Variants in IL1RAPL1 observed in about 807,000 individuals in gnomAD.
The protein encoded by IL1RAPL1 is interleukin-1 receptor accessory protein-like 1.
In IL1RAPL1, 3 loss-of-function variants were observed where a neutral mutation model predicts 48.4. The ratio of observed to expected loss-of-function variants is 0.06; its 90% CI spans 0.03 to 0.16. The LOEUF (loss-of-function observed/expected upper bound fraction) is 0.16. Ranked by LOEUF, IL1RAPL1 falls within the 10% of genes least tolerant of loss-of-function variation. IL1RAPL1 has a pLI of 1.00. For missense variants in IL1RAPL1, 349 were observed against 530.6 expected (o/e 0.66, Z 3.36); for synonymous variants, 185 against 187.7 (o/e 0.99, Z 0.12).
intron 1 of IL1RAPL1, among the ~76,000 whole-genome samples, chrX:28,728,117 G>A (rs765064144): frequency 9.0e-6 from 1 of 111,359 alleles, no homozygotes; most frequent in African/African-American, 3.3e-5. Context: ...TCATTAGAGT[G>A]TATATGAGAT....
intron 6 of IL1RAPL1, among the ~76,000 whole-genome samples, chrX:29,695,626 G>GAGAA (rs1926890791): frequency 3.7e-5 from 4 of 108,433 alleles, no homozygotes; most frequent in Admixed American, 3.0e-4. Flanking sequence ...GAGAGAGAGA[G>GAGAA]AAACAGAGAG....
intron 2 of IL1RAPL1, among the ~76,000 whole-genome samples, chrX:28,878,765 T>C (rs7879258): frequency 0.012 from 1,299 of 111,346 alleles, 17 homozygotes; most frequent in African/African-American, 0.04. Context: ...TCTGGGAAAG[T>C]TCATGGTTCA....
chrX:28,826,068 T>G (rs777685299), intron 2 of IL1RAPL1, among the ~76,000 whole-genome samples: 13 of 111,988 alleles, frequency 1.2e-4, no homozygotes, highest in Middle Eastern at 4.6e-3. Context: ...AATCTTTACC[T>G]AAATTTGTTG....
chrX:29,722,382 A>G (rs964930251), intron 6 of IL1RAPL1, among the ~76,000 whole-genome samples: 8 of 112,287 alleles, frequency 7.1e-5, no homozygotes, highest in African/African-American at 2.6e-4. Flanking sequence ...TATTTATCCA[A>G]GAGGAGACAA....
At chrX:28,826,332 A>G (rs1425120677) in intron 2 of IL1RAPL1, among the ~76,000 whole-genome samples, 2 of 111,621 alleles carry the variant, frequency 1.8e-5, no homozygotes, top group African/African-American at 6.5e-5. Context: ...CATGTAGCTT[A>G]ACTAGCATTT....
At chrX:29,234,941 C>A (rs1931263481) in intron 2 of IL1RAPL1, among the ~76,000 whole-genome samples, 1 of 112,189 alleles carries the variant, frequency 8.9e-6, no homozygotes, top group African/African-American at 3.2e-5. Context: ...TTACTATATA[C>A]CTTTCCTTCC....
chrX:28,621,906 C>T (rs2146888874), intron 1 of IL1RAPL1, among the ~76,000 whole-genome samples: 1 of 111,399 alleles, frequency 9.0e-6, no homozygotes, highest in South Asian at 3.8e-4. Context: ...AATTTACGAT[C>T]TTAGATGAGC....
chrX:28,980,141 G>A (rs922376092), intron 2 of IL1RAPL1, among the ~76,000 whole-genome samples: 5 of 112,377 alleles, frequency 4.4e-5, no homozygotes, highest in African/African-American at 1.6e-4. Context: ...GGAGAGCCAT[G>A]ACTCATTCAC....
At chrX:28,915,191 G>T (rs192842184) in intron 2 of IL1RAPL1, among the ~76,000 whole-genome samples, 1 of 111,421 alleles carries the variant, frequency 9.0e-6, no homozygotes, top group East Asian at 2.8e-4. Context: ...ATCTGACGAG[G>T]CAGAGCTCAG....
At chrX:29,319,548 ATGTATGTATG>A (rs1348363686) in intron 3 of IL1RAPL1, among the ~76,000 whole-genome samples, 54 of 85,420 alleles carry the variant, frequency 6.3e-4, no homozygotes, top group African/African-American at 2.1e-3. Flanking sequence ...GTATGTATGT[ATGTATGTATG>A]TATCTATCTA....
intron 8 of IL1RAPL1, among the ~76,000 whole-genome samples, chrX:29,922,161 C>T (rs1932853360): frequency 9.0e-6 from 1 of 111,078 alleles, no homozygotes; most frequent in African/African-American, 3.3e-5. Context: ...TCTGTTTTTA[C>T]AGAGAGGCAC....
chrX:29,252,406 T>A (rs189969016), intron 2 of IL1RAPL1, among the ~76,000 whole-genome samples: 79 of 113,775 alleles, frequency 6.9e-4, no homozygotes, highest in African/African-American at 2.3e-3. Flanking sequence ...GGCCAGGGCA[T>A]ACAGGGAAAT....
intron 2 of IL1RAPL1, among the ~76,000 whole-genome samples, chrX:29,067,172 T>A (rs1209521132): frequency 8.9e-6 from 1 of 111,768 alleles, no homozygotes; most frequent in African/African-American, 3.3e-5. Flanking sequence ...CTCATCATAC[T>A]GCTGTTCTGG....
At chrX:29,893,786 A>G (rs911673876) in intron 6 of IL1RAPL1, among the ~76,000 whole-genome samples, 3 of 111,352 alleles carry the variant, frequency 2.7e-5, no homozygotes, top group African/African-American at 9.8e-5. Context: ...TTCAGATCCT[A>G]TTTTCCATGA....
At chrX:29,421,833 C>A (rs962045912) in intron 5 of IL1RAPL1, among the ~76,000 whole-genome samples, 2 of 111,933 alleles carry the variant, frequency 1.8e-5, no homozygotes, top group Admixed American at 9.5e-5. Flanking sequence ...CAGTTATAGT[C>A]CTGTTTGCAG....
intron 2 of IL1RAPL1, among the ~76,000 whole-genome samples, chrX:29,042,838 C>G (rs1005258979): frequency 6.2e-5 from 7 of 112,008 alleles, no homozygotes; most frequent in African/African-American, 2.3e-4. Context: ...CTTGCTTTCA[C>G]TTTACCATAG....
At chrX:29,154,033 G>C (rs749848018) in intron 2 of IL1RAPL1, among the ~76,000 whole-genome samples, 1 of 111,874 alleles carries the variant, frequency 8.9e-6, no homozygotes, top group Non-Finnish European at 1.9e-5. Flanking sequence ...GCCGTTGTTA[G>C]GCTTTGCATG....
chrX:28,712,060 C>T (rs941072341), intron 1 of IL1RAPL1, among the ~76,000 whole-genome samples: 5 of 111,357 alleles, frequency 4.5e-5, no homozygotes, highest in African/African-American at 1.6e-4. Flanking sequence ...TTACCTGGGG[C>T]TGAAGCCTCC....
At chrX:28,598,305 T>C (rs1461146666) in intron 1 of IL1RAPL1, among the ~76,000 whole-genome samples, 5 of 112,085 alleles carry the variant, frequency 4.5e-5, no homozygotes, top group Non-Finnish European at 9.4e-5. Flanking sequence ...CATGCTAGTT[T>C]AGTTTAAATT....
Sources: allele counts gnomAD v4.1 joint callset (sites outside exome capture counted in the v4.1 genomes callset), GRCh38; gene constraint gnomAD v4.1.1; transcripts MANE v1.5; gene names NCBI Gene and HGNC (gene_info 2026-07-23, HGNC 2026-07-21).